CHD9: variants seen among roughly 807,000 people sequenced by gnomAD.
CHD9 encodes ATP-dependent chromatin remodeler CHD9.
CHD9 carries 77 observed loss-of-function variants against 316.1 expected under a neutral mutation model. The observed-to-expected ratio is 0.24, with a 90% CI of 0.20 to 0.29. The LOEUF is 0.29. Among genes scored for constraint, CHD9 ranks in the 10% least tolerant of loss-of-function variants. The pLI is 1.00. For synonymous variants in CHD9, 1,129 were observed against 1,158.3 expected, an observed-to-expected ratio of 0.97 and a Z score of 0.51; for missense variants, 2,763 against 3,438.1, an observed-to-expected ratio of 0.80 and a Z score of 4.91.
intron 1 of CHD9, among the ~76,000 whole-genome samples, chr16:53,104,839 A>C (rs1338221795): frequency 2.6e-5 from 4 of 151,668 alleles, no homozygotes; most frequent in Non-Finnish European, 4.4e-5. Context: ...GTTATAATGA[A>C]CTTCTTTCTC....
chr16:53,086,812 A>G (rs2152544556), intron 1 of CHD9, among the ~76,000 whole-genome samples: 1 of 152,270 alleles, frequency 6.6e-6, no homozygotes, highest in South Asian at 2.1e-4. Context: ...TTGTATCTAT[A>G]TCTCCACCCA....
intron 1 of CHD9, among the ~76,000 whole-genome samples, chr16:53,143,578 A>G (rs1031595548): frequency 4.4e-4 from 67 of 151,912 alleles, no homozygotes; most frequent in Non-Finnish European, 1.9e-4. Context: ...TAGTAGAGAC[A>G]GGGTTGCACC....
chr16:53,311,279 A>C (rs140032430), intron 34 of CHD9: 2 of 152,178 alleles, frequency 1.3e-5, no homozygotes, highest in Non-Finnish European at 2.9e-5. Context: ...ATTTTATCTT[A>C]TCCATCTTAA....
chr16:53,262,744 A>G (rs540429090), intron 19 of CHD9, among the ~76,000 whole-genome samples: 5 of 152,292 alleles, frequency 3.3e-5, no homozygotes, highest in African/African-American at 1.2e-4. Flanking sequence ...GTCCTTACCA[A>G]AAGTATCAGA....
At chr16:53,219,538 A>G (rs2047062638) in intron 3 of CHD9, among the ~76,000 whole-genome samples, 2 of 152,174 alleles carry the variant, frequency 1.3e-5, no homozygotes, top group African/African-American at 4.8e-5. Context: ...AAAATTTAGT[A>G]AAAGCAAGTT....
intron 2 of CHD9, among the ~76,000 whole-genome samples, chr16:53,199,683 A>T (rs1778856872): frequency 6.6e-6 from 1 of 152,114 alleles, no homozygotes; most frequent in Admixed American, 6.5e-5. Flanking sequence ...TTTGGCTCCT[A>T]CATGTAAGTG....
intron 2 of CHD9, among the ~76,000 whole-genome samples, chr16:53,185,420 G>T (rs2043903023): frequency 6.6e-6 from 1 of 152,050 alleles, no homozygotes; most frequent in Admixed American, 6.5e-5. Context: ...GATGATTTAG[G>T]GTGTCTGGCA....
Position 53,242,840 on chromosome 16 carries a change from G to A in CHD9, c.2878G>A (p.Gly960Arg), listed in dbSNP as rs1567545611. 6 of 1,609,976 alleles carry A rather than the reference G, an allele frequency of 3.7e-6. 1 individual carries two copies. Among genetic ancestry groups the A allele is most frequent in the South Asian group, 3.3e-5 (3 of 90,572 alleles). Residue 960 changes from glycine (G) to arginine (R), a missense_variant and splice_region_variant, in exon 13 of 39, where the codon GGG becomes AGG. Coordinates refer to ENST00000447540, the MANE Select transcript of CHD9 (RefSeq NM_001308319.2). ...QYEMYFRDSQ[G>R]RIIRGAYRFQ... ...AATAATTATATTTGATCATTTCTAG[G>A]GGCGTATCATTCGAGGAGCTTACAG... is the stretch of plus-strand genomic sequence containing the variant.
In CHD9 at chr16:53,245,762, C is replaced by G; in HGVS notation, c.3366C>G (p.Ser1122=). 6.2e-7 allele frequency: 1 copy of G among 1,610,464 alleles called. No individual in the cohort carries two copies. Among genetic ancestry groups the G allele is most frequent in the Non-Finnish European group, 8.5e-7 (1 of 1,178,504 alleles). The part of the protein sequence containing the change: ...AILEKNFSFL[S]KGAGQTNVPN... ...TGGAAAAGAACTTTTCTTTTTTATC[C>G]AAAGGAGCAGGACAAACTAATGTAC... Residue 1122 remains serine (S), a synonymous_variant, in exon 15 of 39, where the codon TCC becomes TCG. Coordinates refer to ENST00000447540, the MANE Select transcript of CHD9 (RefSeq NM_001308319.2). The surrounding 1 kb of genome is among the most constrained non-coding windows in gnomAD (Gnocchi z 4.1).
chr16:53,204,826 TTTTTTTGTTTATATG>T (rs1257856229), intron 2 of CHD9, among the ~76,000 whole-genome samples: 2 of 152,096 alleles, frequency 1.3e-5, no homozygotes, highest in African/African-American at 4.8e-5. Flanking sequence ...CTTTTATGTA[TTTTTTTGTTTATATG>T]TTTGTTTGTT....
At chr16:53,095,787 C>T (rs937442573) in intron 1 of CHD9, among the ~76,000 whole-genome samples, 82 of 152,126 alleles carry the variant, frequency 5.4e-4, no homozygotes, top group African/African-American at 1.8e-3. Flanking sequence ...ACTTTGAACA[C>T]GCTAAGCTGA....
chr16:53,272,727 C>T (rs2052392391), intron 22 of CHD9, among the ~76,000 whole-genome samples: 1 of 152,076 alleles, frequency 6.6e-6, no homozygotes, highest in Admixed American at 6.6e-5. Context: ...ATACTAAATA[C>T]TTATCCAACA....
At chr16:53,264,475 T>C (rs2051460635) in intron 20 of CHD9, among the ~76,000 whole-genome samples, 1 of 152,140 alleles carries the variant, frequency 6.6e-6, no homozygotes, top group South Asian at 2.1e-4. Flanking sequence ...TACCATGTAC[T>C]GTGGACTAAC....
At chr16:53,257,372 A>G (rs1247745808) in intron 19 of CHD9, among the ~76,000 whole-genome samples, 1 of 152,176 alleles carries the variant, frequency 6.6e-6, no homozygotes, top group Non-Finnish European at 1.5e-5. Flanking sequence ...ATTGGACATA[A>G]TGCAATCTGG....
intron 2 of CHD9, among the ~76,000 whole-genome samples, chr16:53,191,075 T>C (rs1193814956): frequency 6.6e-6 from 1 of 152,090 alleles, no homozygotes; most frequent in Non-Finnish European, 1.5e-5. Context: ...CCCTAAAAAG[T>C]TCCTTATGCC....
At chr16:53,152,933 AGAGAAT>A (rs954964408) in intron 1 of CHD9, among the ~76,000 whole-genome samples, 40 of 152,314 alleles carry the variant, frequency 2.6e-4, no homozygotes, top group African/African-American at 6.5e-4. Context: ...ATCTGTAAAA[AGAGAAT>A]GAGAATGAGA....
intron 2 of CHD9, among the ~76,000 whole-genome samples, chr16:53,179,106 T>A (rs553595506): frequency 7.0e-4 from 107 of 152,342 alleles, no homozygotes; most frequent in African/African-American, 2.5e-3. Context: ...TTTGCCGTAT[T>A]TGCTTTATTT....
chr16:53,286,539 C>A (rs1414554875), intron 26 of CHD9, among the ~76,000 whole-genome samples, 196 bp downstream of exon 26: 2 of 152,148 alleles, frequency 1.3e-5, no homozygotes, highest in African/African-American at 4.8e-5. Flanking sequence ...GTTGGACCTG[C>A]CCCACACCCA....
At position 53,254,510 on chromosome 16, in the gene CHD9, T is replaced by C. The variant is rs1200242174; in HGVS notation, c.3934T>C (p.Tyr1312His). The change falls in exon 18 of 39, where the codon TAT becomes CAT. Residue 1312 changes from tyrosine (Y) to histidine (H), a missense_variant. Physicochemically the swap from Tyr to His is moderately conservative, Grantham distance 83. Transcript: ENST00000447540. ...CTACAGACTGGTAACTCGTAACTCA[T>C]ATGAGAGAGAGATGTTTGACCGAGC... ...KVYRLVTRNS[Y>H]EREMFDRASL... 2 of 1,612,952 alleles carry C rather than the reference T, an allele frequency of 1.2e-6. No homozygotes were observed. Among genetic ancestry groups the C allele is most frequent in the African/African-American group, 1.3e-5 (1 of 74,922 alleles).
Sources: allele counts gnomAD v4.1 joint callset (sites outside exome capture counted in the v4.1 genomes callset), GRCh38; gene constraint gnomAD v4.1.1; non-coding constraint Gnocchi (gnomAD v3.1); transcripts MANE v1.5; gene names NCBI Gene and HGNC (gene_info 2026-07-23, HGNC 2026-07-21).